Variants in CROT observed in about 807,000 individuals in gnomAD.
The protein encoded by CROT is peroxisomal carnitine O-octanoyltransferase.
A neutral mutation model predicts 89.2 loss-of-function variants in CROT; 84 were observed. The ratio of observed to expected loss-of-function variants is 0.94; its 90% CI spans 0.79 to 1.13. The LOEUF (loss-of-function observed/expected upper bound fraction) is 1.13, where lower values mean the gene tolerates loss of function less well. CROT is among the 50% of genes most tolerant of loss of function. The pLI, the probability that CROT is intolerant of heterozygous loss-of-function variation, is 0.00. For missense variants in CROT, 711 were observed against 727.8 expected (o/e 0.98, Z 0.27); for synonymous variants, 212 against 239.5 (o/e 0.89, Z 1.06).
intron 4 of CROT, chr7:87,359,841 A>C: frequency 1.0e-6 from 1 of 985,144 alleles, no homozygotes; most frequent in Non-Finnish European, 1.2e-6. Flanking sequence ...GGTCTCAATA[A>C]TTTTCCACAA....
At position 87,399,297 on chromosome 7, in the gene CROT, A is replaced by T. The variant is rs1807671104; in HGVS notation, c.*653A>T. The T allele has an allele frequency of 6.6e-6, 1 of 152,618 alleles. No individual in the cohort carries two copies. The highest frequency in any genetic ancestry group is 2.4e-5 in the African/African-American group (1 of 41,442). The allele number at this position is 152,618 out of a possible 1,614,324, so 9.5% of individuals were successfully genotyped here. On this transcript the variant is annotated 3_prime_UTR_variant, in exon 18 of 18. Transcript: ENST00000331536. ...TGAGACCAGCCTGGGCAACAGGGTA[A>T]GGTCCTGTCTCTACAAGATCAAAAA...
At chr7:87,349,728 T>A (rs1424997928) in intron 3 of CROT, among the ~76,000 whole-genome samples, 1 of 152,160 alleles carries the variant, frequency 6.6e-6, no homozygotes, top group Non-Finnish European at 1.5e-5. Context: ...AGTCTCAAGA[T>A]GGAGCTGAAT....
At chr7:87,361,967 A>C in intron 6 of CROT, 115 bp downstream of exon 6, 2 of 958,272 alleles carry the variant, frequency 2.1e-6, no homozygotes, top group South Asian at 5.1e-5. Context: ...TTTGACAAAG[A>C]AAGGTTTTCT....
rs757953793 is a variant in CROT at position 87,369,497 on chromosome 7, C to CT, written c.656+16dup. 8.9e-6 allele frequency: 14 copies of CT among 1,576,378 alleles called. No homozygotes were observed. Among genetic ancestry groups the CT allele is most frequent in the Non-Finnish European group, 3.5e-6 (4 of 1,148,156 alleles). On this transcript the variant is annotated intron_variant, in intron 7 of 17. Coordinates refer to ENST00000331536, the MANE Select transcript of CROT (RefSeq NM_021151.4). ...CAGAGCTTCTCAGGTTTTCAGACTA[C>CT]TTTCTTGAGTTTCATTAGGTCTTAT... is the stretch of plus-strand genomic sequence containing the variant.
At position 87,391,719 on chromosome 7, in the gene CROT, ATTGG is replaced by A; in HGVS notation, c.1425+8_1425+11del. 6.2e-7 allele frequency: 1 copy of A among 1,600,192 alleles called. No homozygotes were observed. Among genetic ancestry groups the A allele is most frequent in the African/African-American group, 1.4e-5 (1 of 74,034 alleles). On this transcript the variant is annotated splice_region_variant and intron_variant, in intron 14 of 17. Coordinates refer to ENST00000331536, the MANE Select transcript of CROT (RefSeq NM_021151.4). ...GCAGGATCCTTCTGTCAATGTGAGT[ATTGG>A]AAAGGAAAAAAACTCACAAGATTTG...
At chr7:87,392,014 A>C (rs1487213139) in intron 14 of CROT, among the ~76,000 whole-genome samples, 1 of 152,210 alleles carries the variant, frequency 6.6e-6, no homozygotes, top group Non-Finnish European at 1.5e-5. Context: ...CAGAAATCCC[A>C]AGGTGCCTTT....
intron 3 of CROT, among the ~76,000 whole-genome samples, chr7:87,354,602 A>C (rs1012474388): frequency 6.6e-6 from 1 of 152,204 alleles, no homozygotes; most frequent in Admixed American, 6.5e-5. Context: ...TCATAACAAC[A>C]GTAAAATTAG....
intron 3 of CROT, chr7:87,357,467 T>G (rs989962778): frequency 1.3e-6 from 2 of 1,551,446 alleles, no homozygotes; most frequent in Non-Finnish European, 1.7e-6. Flanking sequence ...GCAGGCTGAA[T>G]CTCCTCAGCA....
At position 87,361,415 on chromosome 7, in the gene CROT, C is replaced by T; in HGVS notation, c.266C>T (p.Ala89Val). ...CTGGAAGAGTGGTGGCTGAATGTTG[C>T]CTATCTGGATGTTCGTATACCATCA... ...NWLEEWWLNV[A>V]YLDVRIPSQL... The change falls in exon 5 of 18, where the codon GCC becomes GTC. Residue 89 changes from alanine to valine, a missense_variant. Ala to Val is a moderately conservative substitution (Grantham distance 64, BLOSUM62 0). Coordinates refer to ENST00000331536, the MANE Select transcript of CROT (RefSeq NM_021151.4). 6.2e-7 allele frequency: 1 copy of T among 1,613,024 alleles called. No individual in the cohort carries two copies. The highest frequency in any genetic ancestry group is 2.2e-5 in the East Asian group (1 of 44,860).
At position 87,391,669 on chromosome 7, in the gene CROT, A is replaced by G; in HGVS notation, c.1382A>G (p.Glu461Gly). The stretch of plus-strand genomic sequence containing the variant: ...GAGACTATGCGATCATGCACAGTTG[A>G]AGCAGTGAGGTGGTGCCAGTCCATG... ...RTETMRSCTV[E>G]AVRWCQSMQD... Residue 461 changes from glutamate (E) to glycine (G), a missense_variant, in exon 14 of 18, where the codon GAA (glutamate) becomes GGA (glycine). Physicochemically the swap from Glu to Gly is moderately conservative, Grantham distance 98 (BLOSUM62 -2). Transcript: ENST00000331536. 6.2e-7 allele frequency: 1 copy of G among 1,611,886 alleles called. No homozygotes were observed. Among genetic ancestry groups the G allele is most frequent in the Non-Finnish European group, 8.5e-7 (1 of 1,179,190 alleles).
At chr7:87,364,450 G>T (rs1806376283) in intron 6 of CROT, among the ~76,000 whole-genome samples, 1 of 152,136 alleles carries the variant, frequency 6.6e-6, no homozygotes, top group Non-Finnish European at 1.5e-5. Flanking sequence ...GTGACCATTG[G>T]ATATGTAAAC....
intron 7 of CROT, among the ~76,000 whole-genome samples, chr7:87,372,786 T>G (rs1806684461): frequency 6.6e-6 from 1 of 152,182 alleles, no homozygotes; most frequent in Admixed American, 6.5e-5. Context: ...TATGAATACT[T>G]TATTCCTTTT....
chr7:87,362,050 G>C (rs986552531), intron 6 of CROT, among the ~76,000 whole-genome samples, 198 bp downstream of exon 6: 1 of 152,094 alleles, frequency 6.6e-6, no homozygotes, highest in Non-Finnish European at 1.5e-5. Context: ...TATCTTACAT[G>C]GTTCAACACA....
rs1301565040 is a variant in CROT, at chr7:87,365,439, G to A, written c.547+3587G>A. Among the ~76,000 whole-genome samples, 8 of 150,834 alleles carry A rather than the reference G, an allele frequency of 5.3e-5. No individual in the cohort carries two copies. The South Asian group carries it at 1.0e-3, about 20-fold the overall frequency. ...CATGAGTGGGAGGTTGCAGTGAGCCGAGATCATGCCACTGCACTCCGGCCT... is the reference window on the plus strand; with the variant it reads ...CATGAGTGGGAGGTTGCAGTGAGCCAAGATCATGCCACTGCACTCCGGCCT... On this transcript the variant is annotated intron_variant, in intron 6 of 17. Transcript: ENST00000331536.
At chr7:87,396,413 A>C (rs2116236481) in intron 17 of CROT, among the ~76,000 whole-genome samples, 1 of 152,304 alleles carries the variant, frequency 6.6e-6, no homozygotes, top group Non-Finnish European at 1.5e-5. Context: ...ATGTTAGATA[A>C]TCTCACAGAA....
Position 87,345,675 on chromosome 7 carries a change from C to G in CROT, c.-205C>G. The G allele has an allele frequency of 2.6e-6, 1 of 384,152 alleles. No homozygotes were observed. The allele number at this position is 384,152 out of a possible 1,614,324, so 23.8% of individuals were successfully genotyped here. On this transcript the variant is annotated 5_prime_UTR_variant, in exon 1 of 18. Coordinates refer to ENST00000331536, the MANE Select transcript of CROT (RefSeq NM_021151.4). ...CCCTAGCGGCCTTCAGTCCAATTCC[C>G]GCACCTTTGAGGCCCAAGGGGGAGC...
chr7:87,398,381 TTGTG>T, intron 17 of CROT, 139 bp from the exon 18 acceptor site: 1 of 968,302 alleles, frequency 1.0e-6, no homozygotes. Flanking sequence ...TTACCTTCAA[TTGTG>T]TCAGGTTACA....
chr7:87,347,932 G>T (rs111443394), intron 2 of CROT, among the ~76,000 whole-genome samples: 3 of 152,186 alleles, frequency 2.0e-5, no homozygotes, highest in African/African-American at 7.2e-5. Context: ...TCCAAGAGAG[G>T]GTAGGAAAGA....
chr7:87,357,423 A>G, intron 3 of CROT: 2 of 1,534,908 alleles, frequency 1.3e-6, no homozygotes, highest in Non-Finnish European at 1.8e-6. Context: ...GCCAAGACAG[A>G]CCCCATTTAT....
Sources: allele counts gnomAD v4.1 joint callset (sites outside exome capture counted in the v4.1 genomes callset), GRCh38; gene constraint gnomAD v4.1.1; transcripts MANE v1.5; gene names NCBI Gene and HGNC (gene_info 2026-07-23, HGNC 2026-07-21).